The following RIMKLA variants were observed in gnomAD, a reference collection of about 807,000 sequenced individuals.
RIMKLA encodes ribosomal modification protein rimK like family member A.
RIMKLA carries 14 observed loss-of-function variants against 32.7 expected under a neutral mutation model. That is an observed-to-expected ratio of 0.43 (90% CI 0.28 to 0.67). RIMKLA has a LOEUF of 0.67. Among genes scored for constraint, RIMKLA ranks in the 30% least tolerant of loss-of-function variants. The pLI, the probability that RIMKLA is intolerant of heterozygous loss-of-function variation, is 0.18. For missense variants in RIMKLA, 410 were observed against 519.0 expected (o/e 0.79, Z 2.04); for synonymous variants, 176 against 204.1 (o/e 0.86, Z 1.18).
At chr1:42,395,277 G>T (rs1201138582) in intron 1 of RIMKLA, among the ~76,000 whole-genome samples, 3 of 151,904 alleles carry the variant, frequency 2.0e-5, no homozygotes, top group Admixed American at 2.0e-4. Context: ...TTGGCAGTTG[G>T]TCACTGTCCT....
At chr1:42,384,188 A>T (rs1003363877) in intron 1 of RIMKLA, among the ~76,000 whole-genome samples, 1 of 152,142 alleles carries the variant, frequency 6.6e-6, no homozygotes, top group African/African-American at 2.4e-5. Context: ...CAGACAAGAG[A>T]TTACAAGTTT....
chr1:42,405,090 T>G (rs950485902), intron 3 of RIMKLA, among the ~76,000 whole-genome samples: 2 of 152,192 alleles, frequency 1.3e-5, no homozygotes, highest in African/African-American at 4.8e-5. Context: ...TTCCCCTCTT[T>G]AAGCGTCTGC....
intron 1 of RIMKLA, among the ~76,000 whole-genome samples, chr1:42,388,407 G>A (rs1294060400): frequency 2.6e-5 from 4 of 151,896 alleles, no homozygotes; most frequent in African/African-American, 7.3e-5. Flanking sequence ...GTTTTGCCAC[G>A]TTGTTCAGGC....
At position 42,419,288 on chromosome 1, in the gene RIMKLA, C is replaced by T. The variant is rs934582908; in HGVS notation, c.*4314C>T. The T allele has an allele frequency of 6.6e-6, 1 of 152,178 alleles. No homozygotes were observed. The highest frequency in any genetic ancestry group is 2.1e-4 in the South Asian group (1 of 4,828). 9.4% of individuals were successfully genotyped at this position (152,178 alleles called of 1,614,324 possible). On this transcript the variant is annotated 3_prime_UTR_variant, in exon 5 of 5. Transcript: ENST00000431473. Reference sequence around the variant, plus strand: ...TAGGTACAGCTCCTGTGCCAATATGCACTGTCTCAAGCCCTGTGCTGGCAT... The same window carrying T: ...TAGGTACAGCTCCTGTGCCAATATGTACTGTCTCAAGCCCTGTGCTGGCAT...
In RIMKLA at chr1:42,381,052, G is replaced by A; in HGVS notation, c.118G>A (p.Val40Met). The change falls in exon 1 of 5, where the codon GTG becomes ATG. Residue 40 changes from valine to methionine, a missense_variant. Val to Met is a conservative substitution (Grantham distance 21, BLOSUM62 1). Coordinates refer to ENST00000431473, the MANE Select transcript of RIMKLA (RefSeq NM_173642.4). ...CGAGCAGGACGTGCGCTTCCGGGCG[G>A]TGCTTATGGACCAGATCGCCGTCAC... ...CSEQDVRFRA[V>M]LMDQIAVTIV... 7.5e-7 allele frequency: 1 copy of A among 1,325,994 alleles called. No individual in the cohort carries two copies. The highest frequency in any genetic ancestry group is 9.7e-7 in the Non-Finnish European group (1 of 1,034,972). The allele number at this position is 1,325,994 out of a possible 1,614,324, so 82.1% of individuals were successfully genotyped here.
chr1:42,401,250 G>A (rs932530889), intron 2 of RIMKLA, among the ~76,000 whole-genome samples: 20 of 152,166 alleles, frequency 1.3e-4, no homozygotes, highest in African/African-American at 4.8e-4. Flanking sequence ...TTGCTCACCT[G>A]CTGCTCACCT....
intron 2 of RIMKLA, among the ~76,000 whole-genome samples, chr1:42,400,759 G>T (rs1643090230): frequency 6.6e-6 from 1 of 152,118 alleles, no homozygotes; most frequent in Non-Finnish European, 1.5e-5. Context: ...ATATTTAGTA[G>T]GCAGCAGATA....
Position 42,414,569 on chromosome 1 carries a change from T to C in RIMKLA, c.771T>C (p.Cys257=). ...QVSNILGMDF[C]GIDLLIMDDG... ...CCAACATCCTAGGCATGGACTTCTG[T>C]GGCATTGATCTCCTTATCATGGACG... The change falls in exon 5 of 5, where the codon TGT becomes TGC. Residue 257 remains cysteine, a synonymous_variant. Coordinates refer to ENST00000431473, the MANE Select transcript of RIMKLA (RefSeq NM_173642.4). The C allele has an allele frequency of 6.2e-7, 1 of 1,614,230 alleles. No individual in the cohort carries two copies. Among genetic ancestry groups the C allele is most frequent in the Non-Finnish European group, 8.5e-7 (1 of 1,180,036 alleles).
Position 42,409,282 on chromosome 1 carries a change from G to T in RIMKLA, c.482-702G>T, listed in dbSNP as rs985445143. Reference sequence around the variant, plus strand: ...GTAGGCAATTTGAACAGAAAATAAAGAATTTAGAATCAAGAAGGAATGCTT... The same window carrying T: ...GTAGGCAATTTGAACAGAAAATAAATAATTTAGAATCAAGAAGGAATGCTT... On this transcript the variant is annotated intron_variant, in intron 3 of 4. Transcript: ENST00000431473. Among the ~76,000 whole-genome samples the T allele has an allele frequency of 2.3e-5, 3 of 133,238 alleles. No individual in the cohort carries two copies. The East Asian group carries it at 7.2e-4, about 32-fold the overall frequency. 87.4% of individuals were successfully genotyped at this position (133,238 alleles called of 152,430 possible).
rs556305828 is a variant in RIMKLA, at chr1:42,421,567, A to C, written c.*6593A>C. ...TATTTAGAAGGAACACTGATCTGCAAGGGGAGAGCTGGGGCCCTTAATCAT... is the reference window on the plus strand; with the variant it reads ...TATTTAGAAGGAACACTGATCTGCACGGGGAGAGCTGGGGCCCTTAATCAT... On this transcript the variant is annotated 3_prime_UTR_variant, in exon 5 of 5. Coordinates refer to ENST00000431473, the MANE Select transcript of RIMKLA (RefSeq NM_173642.4). The surrounding 1 kb of genome is among the most constrained non-coding windows in gnomAD (Gnocchi z 4.6). The C allele has an allele frequency of 1.3e-5, 2 of 152,352 alleles. No homozygotes were observed. The highest frequency in any genetic ancestry group is 6.5e-5 in the Admixed American group (1 of 15,288). 9.4% of individuals were successfully genotyped at this position (152,352 alleles called of 1,614,324 possible). A position where few individuals can be genotyped will look rare whatever the true frequency, so the allele number is the denominator to read the frequency against.
intron 3 of RIMKLA, among the ~76,000 whole-genome samples, chr1:42,408,415 A>ATTTG (rs762974056): frequency 2.0e-5 from 3 of 151,928 alleles, no homozygotes; most frequent in East Asian, 1.9e-4. Context: ...GGACTGGTGT[A>ATTTG]TTTGTTTGTT....
chr1:42,388,274 G>A (rs1426935730), intron 1 of RIMKLA, among the ~76,000 whole-genome samples: 3 of 151,948 alleles, frequency 2.0e-5, no homozygotes, highest in Non-Finnish European at 2.9e-5. Flanking sequence ...GTACGATCTC[G>A]GCTCACTACA....
chr1:42,407,764 G>A (rs1643159995), intron 3 of RIMKLA, among the ~76,000 whole-genome samples: 1 of 152,058 alleles, frequency 6.6e-6, no homozygotes, highest in South Asian at 2.1e-4. Context: ...CCCTCAAATG[G>A]GATTAACCAT....
chr1:42,403,198 CT>C (rs34939073), intron 2 of RIMKLA, among the ~76,000 whole-genome samples: 54,274 of 147,650 alleles, frequency 0.37, 11,171 homozygotes, highest in Middle Eastern at 0.54. Flanking sequence ...TTAGTTTCCC[CT>C]GTGCTAGAAA....
chr1:42,385,789 T>C (rs1642933442), intron 1 of RIMKLA, among the ~76,000 whole-genome samples: 1 of 120,038 alleles, frequency 8.3e-6, no homozygotes, highest in African/African-American at 3.0e-5. Flanking sequence ...GTTTGTTTGT[T>C]TCTTTCTTTC....
chr1:42,412,586 C>T lies in RIMKLA; in HGVS notation c.686-1898C>T, dbSNP rs964436041. The stretch of plus-strand genomic sequence containing the variant: ...TCAGACTGGGGCTGTTCACTCCCCA[C>T]TTGTTTAACCTGCCTGTGAGGTTCA... On this transcript the variant is annotated intron_variant, in intron 4 of 4. Transcript: ENST00000431473. 2.2e-5 allele frequency: 11 copies of T among 507,754 alleles called. No individual in the cohort carries two copies. In the East Asian group the frequency reaches 6.2e-4, roughly 29 times the overall value. The allele number at this position is 507,754 out of a possible 1,614,324, so 31.5% of individuals were successfully genotyped here.
At chr1:42,389,738 TG>T (rs148877535) in intron 1 of RIMKLA, among the ~76,000 whole-genome samples, 22,870 of 151,774 alleles carry the variant, frequency 0.15, 1,818 homozygotes, top group East Asian at 0.22. Context: ...CGCTAGAACC[TG>T]GGAGGCAAAG....
chr1:42,412,422 C>T, intron 4 of RIMKLA: 1 of 276,074 alleles, frequency 3.6e-6, no homozygotes. Context: ...CCAGGATTTT[C>T]CCACCTGTGT....
chr1:42,396,330 T>A (rs1405528132), intron 1 of RIMKLA: 1 of 151,812 alleles, frequency 6.6e-6, no homozygotes, highest in Non-Finnish European at 1.5e-5. Context: ...AAACCTGTCA[T>A]GTCCCTCTCT....
Sources: gnomAD v4.1 joint callset for allele counts (sites outside exome capture counted in the v4.1 genomes callset) on GRCh38, gnomAD v4.1.1 for gene constraint, Gnocchi (gnomAD v3.1) non-coding constraint, MANE v1.5 for transcripts, NCBI Gene and HGNC (gene_info 2026-07-23, HGNC 2026-07-21) for gene names.